The following CRYBG3 variants were observed in gnomAD, a reference collection of about 807,000 sequenced individuals.
CRYBG3 encodes very large A-kinase anchor protein.
CRYBG3 carries 127 observed loss-of-function variants against 244.2 expected under a neutral mutation model. The observed-to-expected ratio is 0.52, with a 90% CI of 0.45 to 0.60. The LOEUF (loss-of-function observed/expected upper bound fraction) is 0.60. Ranked by LOEUF, CRYBG3 falls within the 20% of genes least tolerant of loss-of-function variation. The pLI, the probability that CRYBG3 is intolerant of heterozygous loss-of-function variation, is 0.00. For missense variants in CRYBG3, 3,325 were observed against 3,442.5 expected (o/e 0.97, Z 0.85); for synonymous variants, 1,132 against 1,195.8 (o/e 0.95, Z 1.10).
chr3:97,866,798 T>G (rs2108207091), intron 3 of CRYBG3, among the ~76,000 whole-genome samples: 1 of 152,320 alleles, frequency 6.6e-6, no homozygotes, highest in South Asian at 2.1e-4. Flanking sequence ...GTTAGTAGAA[T>G]AATTCCTTGT....
At chr3:97,900,426 T>A (rs1169041856) in intron 14 of CRYBG3, 27 bp from the exon 15 acceptor site, 7 of 1,494,462 alleles carry the variant, frequency 4.7e-6, no homozygotes, top group Non-Finnish European at 6.5e-6. Flanking sequence ...GATTACAATT[T>A]TGAAAATGTT....
intron 2 of CRYBG3, among the ~76,000 whole-genome samples, chr3:97,852,003 A>C (rs1254526773): frequency 2.6e-5 from 4 of 152,194 alleles, no homozygotes; most frequent in African/African-American, 9.7e-5. Context: ...TAGAAGAAGG[A>C]AGAAAGGAGA....
chr3:97,889,430 T>C, intron 10 of CRYBG3, 40 bp downstream of exon 10: 1 of 1,485,520 alleles, frequency 6.7e-7, no homozygotes, highest in Non-Finnish European at 9.4e-7. Context: ...CTAAAGAGTC[T>C]CAGGATTAAT....
Position 97,915,635 on chromosome 3 carries a change from A to G in CRYBG3, c.8140A>G (p.Met2714Val), listed in dbSNP as rs2108253141. 2 of 1,611,862 alleles carry G rather than the reference A, an allele frequency of 1.2e-6. No homozygotes were observed. The highest frequency in any genetic ancestry group is 1.7e-6 in the Non-Finnish European group (2 of 1,178,466). The change falls in exon 17 of 22, where the codon ATG (methionine) becomes GTG (valine). Residue 2714 changes from methionine to valine, a missense_variant. Physicochemically the swap from Met to Val is conservative, Grantham distance 21 (BLOSUM62 1). Transcript: ENST00000389622. ...GCWLLYYQED[M>V]FVNHCVLEEG... The stretch of plus-strand genomic sequence containing the variant: ...CTGGCTCCTCTATTACCAAGAAGAC[A>G]TGTTTGTTAATCACTGTGTGTTAGA...
At position 97,854,214 on chromosome 3, in the gene CRYBG3, A is replaced by C. The variant is rs541871426; in HGVS notation, c.217-10003A>C. 6.6e-5 allele frequency among the ~76,000 whole-genome samples: 10 copies of C among 152,190 alleles called. No individual in the cohort carries two copies. The South Asian group carries it at 2.1e-3, about 31-fold the overall frequency. On this transcript the variant is annotated intron_variant, in intron 2 of 21. Transcript: ENST00000389622. ...TATACCAGTACCATGCTGTTTTGTT[A>C]ACTATAGCCTTGTAGTATAGTTTGA... is the stretch of plus-strand genomic sequence containing the variant.
rs1490254415 is a variant in CRYBG3 at position 97,872,285 on chromosome 3, A to G, written c.1091A>G (p.His364Arg). 6.5e-7 allele frequency: 1 copy of G among 1,535,760 alleles called. No homozygotes were observed. The highest frequency in any genetic ancestry group is 2.4e-5 in the East Asian group (1 of 40,914). The part of the protein sequence containing the change: ...SSYDGESDSQ[H>R]HLSCEPVSQT... ...TACGATGGAGAATCTGACTCACAGC[A>G]CCATTTAAGTTGTGAACCGGTTTCT... The change falls in exon 4 of 22, where the codon CAC (histidine) becomes CGC (arginine). Residue 364 changes from histidine to arginine, a missense_variant. By Grantham distance (29) the His-to-Arg change is conservative. Transcript: ENST00000389622.
intron 17 of CRYBG3, among the ~76,000 whole-genome samples, chr3:97,928,173 G>A (rs1178325635): frequency 1.3e-5 from 2 of 151,986 alleles, no homozygotes; most frequent in Non-Finnish European, 2.9e-5. Flanking sequence ...CGTTGGACTG[G>A]ATAAAGAAAA....
intron 2 of CRYBG3, among the ~76,000 whole-genome samples, chr3:97,856,892 A>G (rs2039073924): frequency 1.3e-5 from 2 of 151,970 alleles, no homozygotes; most frequent in Non-Finnish European, 2.9e-5. Flanking sequence ...CTTTAGTCTG[A>G]ATGTCATTTA....
intron 2 of CRYBG3, among the ~76,000 whole-genome samples, chr3:97,843,672 G>A (rs1416802312): frequency 6.6e-6 from 1 of 152,122 alleles, no homozygotes; most frequent in Non-Finnish European, 1.5e-5. Context: ...TTAATAATCT[G>A]TTTCTACATA....
Position 97,873,488 on chromosome 3 carries a change from C to A in CRYBG3, c.2294C>A (p.Ser765Tyr), listed in dbSNP as rs2039330309. The change falls in exon 4 of 22, where the codon TCT (serine) becomes TAT (tyrosine). Residue 765 changes from serine (S) to tyrosine (Y), a missense_variant. By Grantham distance (144) the Ser-to-Tyr change is moderately radical. Transcript: ENST00000389622. ...LTGLELLSFD[S>Y]GNLSKDCSSI... The stretch of plus-strand genomic sequence containing the variant: ...GGGTTGGAGCTATTGAGCTTTGACT[C>A]TGGAAACCTCTCTAAGGATTGCAGT... The A allele has an allele frequency of 6.5e-7, 1 of 1,535,834 alleles. No homozygotes were observed. Among genetic ancestry groups the A allele is most frequent in the Admixed American group, 2.0e-5 (1 of 50,964 alleles).
intron 1 of CRYBG3, among the ~76,000 whole-genome samples, chr3:97,833,878 G>A (rs565476377): frequency 6.6e-6 from 1 of 152,236 alleles, no homozygotes; most frequent in South Asian, 2.1e-4. Context: ...TTGGGCATCT[G>A]CATCTGATGA....
At chr3:97,843,148 G>T (rs779865272) in intron 1 of CRYBG3, 47 bp from the exon 2 acceptor site, 3 of 1,267,182 alleles carry the variant, frequency 2.4e-6, no homozygotes, top group East Asian at 2.5e-5. Context: ...TTTTAGTTTC[G>T]TAATTTTCTT....
At chr3:97,839,762 T>G (rs999517991) in intron 1 of CRYBG3, among the ~76,000 whole-genome samples, 2 of 151,936 alleles carry the variant, frequency 1.3e-5, no homozygotes, top group Non-Finnish European at 2.9e-5. Flanking sequence ...CCCCTTTTTT[T>G]TTTTTGTCAA....
At chr3:97,865,531 T>C (rs1209970958) in intron 3 of CRYBG3, among the ~76,000 whole-genome samples, 1 of 152,168 alleles carries the variant, frequency 6.6e-6, no homozygotes, top group African/African-American at 2.4e-5. Context: ...CTGTGAAAAT[T>C]AGATTAGAGT....
At chr3:97,850,663 A>T (rs1354980546) in intron 2 of CRYBG3, among the ~76,000 whole-genome samples, 1 of 152,216 alleles carries the variant, frequency 6.6e-6, no homozygotes, top group Admixed American at 6.5e-5. Context: ...TAACTCTGTG[A>T]TAACGATCTA....
intron 2 of CRYBG3, 80 bp downstream of exon 2, chr3:97,843,341 A>C (rs1318464326): frequency 6.6e-5 from 52 of 784,800 alleles, no homozygotes; most frequent in East Asian, 2.7e-5. Flanking sequence ...CTGTCATCTT[A>C]TTTTACATTT....
At position 97,941,253 on chromosome 3, in the gene CRYBG3, A is replaced by G. The variant is rs779614902; in HGVS notation, c.8611A>G (p.Ser2871Gly). ...RATSVCISPY[S>G]GKNTQIWYYC... ...AACATCTGTGTGCATTTCTCCCTAT[A>G]GTGGAAAGAATACTCAGATCTGGTA... is the stretch of plus-strand genomic sequence containing the variant. Residue 2871 changes from serine (S) to glycine (G), a missense_variant, in exon 20 of 22, where the codon AGT becomes GGT. Transcript: ENST00000389622. 2.5e-6 allele frequency: 4 copies of G among 1,611,448 alleles called. No homozygotes were observed. The Admixed American group carries it at 6.7e-5, about 27-fold the overall frequency.
intron 17 of CRYBG3, among the ~76,000 whole-genome samples, chr3:97,931,330 C>T (rs1249799135): frequency 1.3e-5 from 2 of 152,114 alleles, no homozygotes; most frequent in East Asian, 1.9e-4. Context: ...GGCAAGTCTT[C>T]CTTATAATTC....
At position 97,942,314 on chromosome 3, in the gene CRYBG3, G is replaced by A. The variant is rs772133194; in HGVS notation, c.8695G>A (p.Gly2899Ser). The A allele has an allele frequency of 2.5e-6, 4 of 1,610,890 alleles. No homozygotes were observed. The South Asian group carries it at 4.4e-5, about 18-fold the overall frequency. ...TGATACATGTCTTGATGTGATTGGT[G>A]GCCGGGACACACCTGGAGCTAAAGT... Reference protein sequence around the residue: ...ASDTCLDVIGGRDTPGAKVAL... With the variant: ...ASDTCLDVIGSRDTPGAKVAL... Residue 2899 changes from glycine (G) to serine (S), a missense_variant, in exon 21 of 22, where the codon GGC becomes AGC. Gly to Ser is a moderately conservative substitution (Grantham distance 56, BLOSUM62 0). Around this residue, in one of 4 missense-constraint regions of CRYBG3, gnomAD observed 714 missense variants for 803.6 expected, o/e 0.89. Coordinates refer to ENST00000389622, the MANE Select transcript of CRYBG3 (RefSeq NM_153605.4).
Sources: allele counts gnomAD v4.1 joint callset (sites outside exome capture counted in the v4.1 genomes callset), GRCh38; gene constraint gnomAD v4.1.1; regional missense constraint gnomAD v4.1.1; transcripts MANE v1.5; gene names NCBI Gene and HGNC (gene_info 2026-07-23, HGNC 2026-07-21).